The following MYO5B variants were observed in gnomAD, a reference collection of about 807,000 sequenced individuals.
MYO5B encodes unconventional myosin-Vb.
A neutral mutation model predicts 229.3 loss-of-function variants in MYO5B; 143 were observed. That is an observed-to-expected ratio of 0.62 (90% CI 0.54 to 0.72). MYO5B has a LOEUF of 0.72. Ranked by LOEUF, MYO5B falls within the 30% of genes least tolerant of loss-of-function variation. MYO5B has a pLI of 0.00. For synonymous variants in MYO5B, 918 were observed against 885.2 expected, an observed-to-expected ratio of 1.04 and a Z score of -0.66; for missense variants, 2,321 against 2,331.0, an observed-to-expected ratio of 1.00 and a Z score of 0.09.
chr18:50,002,905 G>C (rs1280209766), intron 4 of MYO5B, among the ~76,000 whole-genome samples: 2 of 152,160 alleles, frequency 1.3e-5, no homozygotes, highest in African/African-American at 4.8e-5. Flanking sequence ...GAAAAGAACA[G>C]AGAAGCACCA....
At chr18:49,872,497 A>G (rs2024467446) in intron 26 of MYO5B, among the ~76,000 whole-genome samples, 3 of 151,066 alleles carry the variant, frequency 2.0e-5, no homozygotes, top group Admixed American at 2.0e-4. Context: ...TTGAATATGT[A>G]TAGCACTGTG....
intron 33 of MYO5B, among the ~76,000 whole-genome samples, chr18:49,844,443 G>A (rs1296483102): frequency 2.0e-5 from 3 of 152,188 alleles, no homozygotes; most frequent in Non-Finnish European, 2.9e-5. Context: ...GCTCAGAATG[G>A]CAATGAAGGG....
intron 1 of MYO5B, among the ~76,000 whole-genome samples, chr18:50,078,966 T>A (rs2031151651): frequency 6.6e-6 from 1 of 152,252 alleles, no homozygotes; most frequent in Admixed American, 6.5e-5. Flanking sequence ...TCATTTATAA[T>A]GTGGACATAA....
Position 49,832,087 on chromosome 18 carries a change from G to T in MYO5B, c.5394+3257C>A, listed in dbSNP as rs568774852. On this transcript the variant is annotated intron_variant, in intron 39 of 39. Coordinates refer to ENST00000285039, the MANE Select transcript of MYO5B (RefSeq NM_001080467.3). ...AGAATATTATTTGCCCAAATGGGTA[G>T]TGTTTCTGTTTAGGATGATGAAAGA... Among the ~76,000 whole-genome samples the T allele has an allele frequency of 3.2e-4, 49 of 152,294 alleles. No homozygotes were observed. In the Middle Eastern group the frequency reaches 0.031, roughly 95 times the overall value.
chr18:49,974,718 C>G (rs2025726714), intron 9 of MYO5B, 103 bp from the exon 10 acceptor site: 1 of 1,384,174 alleles, frequency 7.2e-7, no homozygotes, highest in Non-Finnish European at 9.9e-7. Context: ...AAGCCAAACT[C>G]AAGGCCTCCC....
intron 1 of MYO5B, among the ~76,000 whole-genome samples, chr18:50,193,689 T>TAA (rs1235494628): frequency 6.6e-6 from 1 of 152,240 alleles, no homozygotes; most frequent in African/African-American, 2.4e-5. Context: ...TAGGCACTGT[T>TAA]AAACGTGTTT....
intron 1 of MYO5B, among the ~76,000 whole-genome samples, chr18:50,104,328 T>G (rs2144507250): frequency 6.7e-6 from 1 of 148,680 alleles, no homozygotes; most frequent in African/African-American, 2.5e-5. Context: ...AGGAACATCC[T>G]CATATTCTTT....
chr18:49,947,540 T>C (rs535475097), intron 14 of MYO5B, among the ~76,000 whole-genome samples: 9 of 152,298 alleles, frequency 5.9e-5, no homozygotes, highest in Admixed American at 3.3e-4. Flanking sequence ...TTTTGACATA[T>C]ATAGTGTATA....
intron 29 of MYO5B, 122 bp from the exon 30 acceptor site, chr18:49,857,012 A>G (rs2024271172): frequency 2.5e-6 from 2 of 791,396 alleles, no homozygotes; most frequent in South Asian, 2.9e-5. Flanking sequence ...GGCAAGGCTC[A>G]AGAACTCCCA....
chr18:49,827,943 CACAT>C (rs1175601676), intron 39 of MYO5B, among the ~76,000 whole-genome samples: 1 of 152,108 alleles, frequency 6.6e-6, no homozygotes, highest in East Asian at 1.9e-4. Flanking sequence ...AGTGACTTGT[CACAT>C]ACAGTCATCC....
At chr18:49,874,028 G>A (rs949149906) in intron 26 of MYO5B, among the ~76,000 whole-genome samples, 6 of 152,116 alleles carry the variant, frequency 3.9e-5, no homozygotes, top group Admixed American at 3.3e-4. Context: ...GACCAAAAGC[G>A]AATCCAAGAA....
chr18:50,004,475 A>T (rs921057303), intron 4 of MYO5B, among the ~76,000 whole-genome samples: 1 of 152,220 alleles, frequency 6.6e-6, no homozygotes, highest in Non-Finnish European at 1.5e-5. Context: ...TATGTAGGCT[A>T]AAGTCAGATA....
chr18:49,849,457 A>G, intron 32 of MYO5B, 110 bp downstream of exon 32: 1 of 861,868 alleles, frequency 1.2e-6, no homozygotes, highest in Non-Finnish European at 2.0e-6. Flanking sequence ...AGCCACCAAG[A>G]AATCAGTGAT....
chr18:49,902,732 C>T lies in MYO5B; in HGVS notation c.2673G>A (p.Gln891=). 2 of 1,610,194 alleles carry T rather than the reference C, an allele frequency of 1.2e-6. No homozygotes were observed. The highest frequency in any genetic ancestry group is 2.2e-5 in the East Asian group (1 of 44,880). ...TGGCCTTGAGCATCCGGAAGGCACA[C>T]TGGATGACAATGGCTGCATCCCGCA... The part of the protein sequence containing the change: ...QRLRDAAIVI[Q]CAFRMLKARR... The change falls in exon 21 of 40, where the codon CAG becomes CAA. Residue 891 remains glutamine, a synonymous_variant. Transcript: ENST00000285039.
At chr18:49,885,133 G>A (rs1001522371) in intron 22 of MYO5B, among the ~76,000 whole-genome samples, 1 of 152,154 alleles carries the variant, frequency 6.6e-6, no homozygotes, top group Non-Finnish European at 1.5e-5. Flanking sequence ...CTCCTGGGCA[G>A]ATACCCAAGA....
At chr18:50,078,435 A>C (rs1167592931) in intron 1 of MYO5B, among the ~76,000 whole-genome samples, 2 of 152,190 alleles carry the variant, frequency 1.3e-5, no homozygotes, top group Non-Finnish European at 2.9e-5. Context: ...CATACTGTCC[A>C]CCCACTAAAA....
At chr18:50,138,194 C>G (rs2032364112) in intron 1 of MYO5B, among the ~76,000 whole-genome samples, 1 of 152,056 alleles carries the variant, frequency 6.6e-6, no homozygotes, top group Non-Finnish European at 1.5e-5. Flanking sequence ...TCACATATAC[C>G]CCGAACCTAA....
chr18:49,891,181 T>A (rs985155567), intron 22 of MYO5B, among the ~76,000 whole-genome samples: 1 of 152,192 alleles, frequency 6.6e-6, no homozygotes, highest in African/African-American at 2.4e-5. Flanking sequence ...AGCCTACTCA[T>A]GCCCCAAGGC....
At chr18:50,175,610 G>GTTA in intron 1 of MYO5B, among the ~76,000 whole-genome samples, 1 of 152,342 alleles carries the variant, frequency 6.6e-6, no homozygotes, top group East Asian at 1.9e-4. Flanking sequence ...TCTATGTGAA[G>GTTA]TTATTCTTTG....
Sources: gnomAD v4.1 joint callset for allele counts (sites outside exome capture counted in the v4.1 genomes callset) on GRCh38, gnomAD v4.1.1 for gene constraint, MANE v1.5 for transcripts, NCBI Gene and HGNC (gene_info 2026-07-23, HGNC 2026-07-21) for gene names.